Variants in ANTXRL observed in about 807,000 individuals in gnomAD.
The protein encoded by ANTXRL is ANTXR like.
Under a neutral mutation model 75.4 loss-of-function variants are expected in ANTXRL, and 63 were observed. That is an observed-to-expected ratio of 0.84 (90% CI 0.68 to 1.03). The LOEUF (loss-of-function observed/expected upper bound fraction) is 1.03. ANTXRL is among the 50% of genes least tolerant of loss of function. The pLI, the probability that ANTXRL is intolerant of heterozygous loss-of-function variation, is 0.00. For missense variants in ANTXRL, 797 were observed against 789.4 expected (o/e 1.01, Z -0.12); for synonymous variants, 335 against 291.3 (o/e 1.15, Z -1.53).
At chr10:46,301,273 A>G (rs551557699) in intron 9 of ANTXRL, among the ~76,000 whole-genome samples, 1 of 152,342 alleles carries the variant, frequency 6.6e-6, no homozygotes, top group East Asian at 1.9e-4. Context: ...ATTTGGAAGC[A>G]GCTGCTGTCA....
At chr10:46,295,899 T>G (rs1837348622) in intron 3 of ANTXRL, 120 bp from the exon 4 acceptor site, 2 of 807,126 alleles carry the variant, frequency 2.5e-6, no homozygotes, top group Non-Finnish European at 4.1e-6. Context: ...AGCCCTTGCC[T>G]GGGCCCCTCC....
chr10:46,293,201 T>A (rs1178597113), intron 2 of ANTXRL: 1 of 156,672 alleles, frequency 6.4e-6, no homozygotes, highest in Non-Finnish European at 1.4e-5. Flanking sequence ...TGTGTGTGGG[T>A]GCATATGTGT....
chr10:46,295,990 G>A (rs1180952986), intron 3 of ANTXRL, 29 bp from the exon 4 acceptor site: 3 of 1,521,572 alleles, frequency 2.0e-6, no homozygotes, highest in Non-Finnish European at 2.6e-6. Flanking sequence ...TGTCTTTCCA[G>A]GTCAACCACC....
chr10:46,287,508 C>G lies in ANTXRL; in HGVS notation c.246C>G (p.Asp82Glu). 1 of 1,534,796 alleles carries G rather than the reference C, an allele frequency of 6.5e-7. No individual in the cohort carries two copies. Among genetic ancestry groups the G allele is most frequent in the Non-Finnish European group, 8.7e-7 (1 of 1,146,214 alleles). ...CATTTGACCTCTACTTCATCTTGGA[C>G]AAGTGAGTGTCCCTTCTAGCTCTGG... ...QGSFDLYFIL[D>E]KSGSVNNNWI... The change falls in exon 1 of 17, where the codon GAC becomes GAG. Residue 82 changes from aspartate to glutamate, a missense_variant and splice_region_variant. Asp to Glu is a conservative substitution (Grantham distance 45). Transcript: ENST00000620264.
intron 15 of ANTXRL, among the ~76,000 whole-genome samples, chr10:46,312,155 C>G (rs1160178740): frequency 6.6e-6 from 1 of 150,532 alleles, no homozygotes; most frequent in Non-Finnish European, 1.5e-5. Flanking sequence ...CACCTGCCAG[C>G]CCGGGCAGCA....
At chr10:46,315,815 C>A (rs1838696448) in intron 16 of ANTXRL, among the ~76,000 whole-genome samples, 1 of 152,184 alleles carries the variant, frequency 6.6e-6, no homozygotes, top group African/African-American at 2.4e-5. Flanking sequence ...GCAGGAAATT[C>A]TCCAAGGCTC....
intron 3 of ANTXRL, among the ~76,000 whole-genome samples, chr10:46,294,585 G>A (rs1554957980): frequency 6.6e-6 from 1 of 152,164 alleles, no homozygotes; most frequent in Non-Finnish European, 1.5e-5. Flanking sequence ...ACTGAGGACT[G>A]GATGGGGGAC....
intron 5 of ANTXRL, 40 bp downstream of exon 5, chr10:46,296,292 A>G: frequency 6.5e-7 from 1 of 1,531,354 alleles, no homozygotes; most frequent in Non-Finnish European, 8.8e-7. Flanking sequence ...TGTAGGGGGA[A>G]CAGAGCTGGG....
chr10:46,288,857 A>G (rs1365973078), intron 1 of ANTXRL, among the ~76,000 whole-genome samples: 1 of 152,156 alleles, frequency 6.6e-6, no homozygotes, highest in Non-Finnish European at 1.5e-5. Context: ...GGGAGTGCCT[A>G]GAGTGGATGT....
At chr10:46,288,837 G>A (rs574620963) in intron 1 of ANTXRL, among the ~76,000 whole-genome samples, 2 of 152,260 alleles carry the variant, frequency 1.3e-5, no homozygotes, top group South Asian at 4.1e-4. Context: ...TGGATGAGGG[G>A]GAATGCAGAG....
chr10:46,286,996 C>A (rs12571077), upstream of ANTXRL: 12,369 of 534,180 alleles, frequency 0.023, 429 homozygotes, highest in East Asian at 0.093. Flanking sequence ...TTCCTGTCAA[C>A]CATAACAGAG....
intron 2 of ANTXRL, 91 bp downstream of exon 2, chr10:46,292,220 G>C: frequency 8.0e-7 from 1 of 1,254,198 alleles, no homozygotes; most frequent in Non-Finnish European, 1.1e-6. Flanking sequence ...AGATGGGGTG[G>C]GCGTGGGAGT....
intron 16 of ANTXRL, among the ~76,000 whole-genome samples, chr10:46,327,249 C>T (rs79197828): frequency 0.011 from 1,702 of 152,196 alleles, 36 homozygotes; most frequent in African/African-American, 0.037. Flanking sequence ...TGGCAGGGGA[C>T]GGTCTGGCGT....
chr10:46,287,195 T>C lies in ANTXRL; in HGVS notation c.-68T>C, dbSNP rs1272211464. ...GGGGAGGCGGCAAAGAAGGGGCCTG[T>C]GCTCAGCCTCTCTGGGCCCTGGCAC... On this transcript the variant is annotated 5_prime_UTR_variant, in exon 1 of 17. Coordinates refer to ENST00000620264, the MANE Select transcript of ANTXRL (RefSeq NM_001278688.3). The C allele has an allele frequency of 3.3e-6, 5 of 1,508,876 alleles. No homozygotes were observed. The East Asian group carries it at 1.2e-4, about 37-fold the overall frequency. 93.5% of individuals were successfully genotyped at this position (1,508,876 alleles called of 1,614,324 possible). A position where few individuals can be genotyped will look rare whatever the true frequency, so the allele number is the denominator to read the frequency against.
At chr10:46,300,151 G>A (rs1177283016) in intron 9 of ANTXRL, among the ~76,000 whole-genome samples, 1 of 152,202 alleles carries the variant, frequency 6.6e-6, no homozygotes, top group Non-Finnish European at 1.5e-5. Context: ...CTGCCCACCA[G>A]CTCGGCCTTC....
At chr10:46,310,671 A>G (rs1838367891) in intron 14 of ANTXRL, among the ~76,000 whole-genome samples, 172 bp downstream of exon 14, 2 of 152,094 alleles carry the variant, frequency 1.3e-5, no homozygotes, top group African/African-American at 4.8e-5. Context: ...TGTCCCCAGC[A>G]TGCCCTTTCC....
rs1423344996 is a variant in ANTXRL at position 46,311,800 on chromosome 10, A to C, written c.1329+135A>C. On this transcript the variant is annotated intron_variant, in intron 15 of 16. Coordinates refer to ENST00000620264, the MANE Select transcript of ANTXRL (RefSeq NM_001278688.3). ...ACAGGGGCTGGACTTTGGACACTTG[A>C]TGTCAAGAGCAACCAGATGCCCACC... 5 of 557,442 alleles carry C rather than the reference A, an allele frequency of 9.0e-6. No homozygotes were observed. In the East Asian group the frequency reaches 1.2e-4, roughly 14 times the overall value. The allele number at this position is 557,442 out of a possible 1,614,324, so 34.5% of individuals were successfully genotyped here.
At chr10:46,321,000 T>C (rs1197888173) in intron 16 of ANTXRL, among the ~76,000 whole-genome samples, 7 of 152,182 alleles carry the variant, frequency 4.6e-5, no homozygotes, top group East Asian at 1.9e-4. Context: ...AGGTTATTAA[T>C]TGGAAATGTT....
At chr10:46,301,755 G>T (rs117833747) in intron 9 of ANTXRL, among the ~76,000 whole-genome samples, 1 of 152,192 alleles carries the variant, frequency 6.6e-6, no homozygotes, top group African/African-American at 2.4e-5. Flanking sequence ...CCCACAGCCC[G>T]CCTTGAAGGT....
Sources: gnomAD v4.1 joint callset for allele counts (sites outside exome capture counted in the v4.1 genomes callset) on GRCh38, gnomAD v4.1.1 for gene constraint, MANE v1.5 for transcripts, NCBI Gene and HGNC (gene_info 2026-07-23, HGNC 2026-07-21) for gene names.